The following PTPRD variants were observed in gnomAD, a reference collection of about 807,000 sequenced individuals.
PTPRD encodes the protein protein tyrosine phosphatase receptor type D.
In PTPRD, 34 loss-of-function variants were observed where a neutral mutation model predicts 214.5. The ratio of observed to expected loss-of-function variants is 0.16; its 90% CI spans 0.12 to 0.21. The LOEUF (loss-of-function observed/expected upper bound fraction) is 0.21. PTPRD is among the 10% of genes least tolerant of loss of function. PTPRD has a pLI of 1.00. For missense variants in PTPRD, 2,545 were observed against 2,398.7 expected (o/e 1.06, Z -1.27); for synonymous variants, 1,128 against 845.7 (o/e 1.33, Z -5.79).
chr9:9,559,002 A>G (rs1190667950), intron 8 of PTPRD, among the ~76,000 whole-genome samples: 1 of 152,152 alleles, frequency 6.6e-6, no homozygotes, highest in African/African-American at 2.4e-5. Flanking sequence ...GGCGCCCCAC[A>G]TCACTAAAGT....
At chr9:10,163,618 T>C (rs1031435808) in intron 3 of PTPRD, among the ~76,000 whole-genome samples, 2 of 151,544 alleles carry the variant, frequency 1.3e-5, no homozygotes, top group South Asian at 2.1e-4. Flanking sequence ...AAAGACAAGA[T>C]TGAAAACCAA....
At chr9:9,860,790 T>C (rs1372753423) in intron 5 of PTPRD, among the ~76,000 whole-genome samples, 1 of 152,188 alleles carries the variant, frequency 6.6e-6, no homozygotes, top group African/African-American at 2.4e-5. Flanking sequence ...TGTCTAGTGG[T>C]ATCCCTTGGT....
chr9:9,329,577 T>C (rs2041525243), intron 9 of PTPRD, among the ~76,000 whole-genome samples: 1 of 152,226 alleles, frequency 6.6e-6, no homozygotes. Context: ...CCTCTCATCC[T>C]AACCCCATAG....
chr9:9,414,995 G>A (rs1484053349), intron 8 of PTPRD, among the ~76,000 whole-genome samples: 4 of 152,200 alleles, frequency 2.6e-5, no homozygotes, highest in African/African-American at 9.7e-5. Context: ...TTGCCTTCCT[G>A]AAACTCTTTA....
At chr9:10,411,426 C>T (rs1359097) in intron 2 of PTPRD, among the ~76,000 whole-genome samples, 110,741 of 151,594 alleles carry the variant, frequency 0.73, 41,129 homozygotes, top group Non-Finnish European at 0.81. Context: ...ATAACTGAAA[C>T]ATGTTTAATT....
intron 2 of PTPRD, among the ~76,000 whole-genome samples, chr9:10,539,445 A>G (rs2058610468): frequency 6.6e-6 from 1 of 152,180 alleles, no homozygotes. Context: ...TTGGCCTCCC[A>G]AAGTGCTGGG....
intron 42 of PTPRD, among the ~76,000 whole-genome samples, chr9:8,339,561 C>A (rs1850398831): frequency 6.6e-6 from 1 of 151,948 alleles, no homozygotes; most frequent in Non-Finnish European, 1.5e-5. Context: ...TTGGCTAAAC[C>A]CTGCAGAGTC....
chr9:9,675,779 C>T (rs74680060), intron 7 of PTPRD, among the ~76,000 whole-genome samples: 1 of 152,026 alleles, frequency 6.6e-6, no homozygotes, highest in South Asian at 2.1e-4. Context: ...ATTTTAAAAG[C>T]GTCCCAATTC....
chr9:9,480,653 G>T (rs949593496), intron 8 of PTPRD, among the ~76,000 whole-genome samples: 1 of 151,906 alleles, frequency 6.6e-6, no homozygotes, highest in Non-Finnish European at 1.5e-5. Context: ...TCAAATACAT[G>T]ATATGTAGTA....
chr9:10,462,382 A>G (rs2098965467), intron 2 of PTPRD, among the ~76,000 whole-genome samples: 1 of 146,306 alleles, frequency 6.8e-6, no homozygotes, highest in South Asian at 2.2e-4. Context: ...GAAAGGTAAT[A>G]TGATCTACAC....
chr9:10,516,534 CTG>C (rs1436524634), intron 2 of PTPRD, among the ~76,000 whole-genome samples: 1 of 151,930 alleles, frequency 6.6e-6, no homozygotes, highest in Non-Finnish European at 1.5e-5. Context: ...CCTTTTCACT[CTG>C]TTGATTGCTC....
At chr9:8,678,147 T>C (rs1277381640) in intron 12 of PTPRD, among the ~76,000 whole-genome samples, 1 of 152,134 alleles carries the variant, frequency 6.6e-6, no homozygotes, top group Non-Finnish European at 1.5e-5. Flanking sequence ...GCATTAAACA[T>C]CCAGAAAACT....
chr9:8,728,597 T>C (rs541931727), intron 12 of PTPRD, among the ~76,000 whole-genome samples: 1 of 152,242 alleles, frequency 6.6e-6, no homozygotes, highest in South Asian at 2.1e-4. Flanking sequence ...ATCCTTTCCT[T>C]TCCTAACTTT....
intron 10 of PTPRD, among the ~76,000 whole-genome samples, chr9:9,180,330 A>AGCAAACTATC (rs1342890634): frequency 6.6e-6 from 1 of 151,718 alleles, no homozygotes; most frequent in Non-Finnish European, 1.5e-5. Context: ...CATCATTCTC[A>AGCAAACTATC]GCAAACTATC....
At chr9:10,041,732 A>C (rs890043149) in intron 3 of PTPRD, among the ~76,000 whole-genome samples, 1 of 152,048 alleles carries the variant, frequency 6.6e-6, no homozygotes, top group African/African-American at 2.4e-5. Flanking sequence ...AATCATATAC[A>C]GAAAATGATT....
intron 33 of PTPRD, chr9:8,454,667 C>T: frequency 2.0e-6 from 3 of 1,514,206 alleles, no homozygotes; most frequent in Non-Finnish European, 2.7e-6. Flanking sequence ...CAAGGATAAC[C>T]ATGACAACCA....
chr9:9,010,289 G>A (rs1196385188), intron 11 of PTPRD, among the ~76,000 whole-genome samples: 2 of 152,164 alleles, frequency 1.3e-5, no homozygotes, highest in Non-Finnish European at 2.9e-5. Flanking sequence ...ATGAACAAAA[G>A]TTAGAATTTT....
intron 5 of PTPRD, among the ~76,000 whole-genome samples, chr9:9,856,119 T>C (rs899741639): frequency 1.3e-5 from 2 of 152,148 alleles, no homozygotes; most frequent in Non-Finnish European, 2.9e-5. Flanking sequence ...AATCTTCACC[T>C]GAAGTCCGGC....
intron 7 of PTPRD, among the ~76,000 whole-genome samples, chr9:9,612,278 C>A (rs189745644): frequency 2.0e-4 from 30 of 152,190 alleles, no homozygotes; most frequent in African/African-American, 7.2e-4. Context: ...TGACTGAGTT[C>A]TCAGATGCGA....
Sources: allele counts gnomAD v4.1 joint callset (sites outside exome capture counted in the v4.1 genomes callset), GRCh38; gene constraint gnomAD v4.1.1; transcripts MANE v1.5; gene names NCBI Gene and HGNC (gene_info 2026-07-23, HGNC 2026-07-21).